The following PALS2 variants were observed in gnomAD, a reference collection of about 807,000 sequenced individuals.
The protein encoded by PALS2 is protein PALS2.
Under a neutral mutation model 61.6 loss-of-function variants are expected in PALS2, and 27 were observed. The observed-to-expected ratio is 0.44, with a 90% CI of 0.32 to 0.60. PALS2 has a LOEUF of 0.60. Among genes scored for constraint, PALS2 ranks in the 20% least tolerant of loss-of-function variants. The probability of loss-of-function intolerance (pLI) is 0.05; values close to 1 mark genes in which losing one functional copy is unlikely to be tolerated. For missense variants in PALS2, 554 were observed against 639.4 expected (o/e 0.87, Z 1.44); for synonymous variants, 236 against 218.6 (o/e 1.08, Z -0.70).
At chr7:24,608,546 A>G (rs1784006027) in intron 1 of PALS2, among the ~76,000 whole-genome samples, 1 of 152,002 alleles carries the variant, frequency 6.6e-6, no homozygotes, top group South Asian at 2.1e-4. Flanking sequence ...ACTTGACTTG[A>G]TTTTCTGGAT....
In PALS2 at chr7:24,693,908, C is replaced by T. The variant is rs938200042; in HGVS notation, c.*6294C>T. ...TTTTTTATTCTTCCTTTTCCCCCCA[C>T]GCCAGTTCGTTTTGGTAAGTCTTTT... On this transcript the variant is annotated 3_prime_UTR_variant, in exon 12 of 12. Transcript: ENST00000222644. 3 of 151,920 alleles carry T rather than the reference C, an allele frequency of 2.0e-5. No homozygotes were observed. The highest frequency in any genetic ancestry group is 2.9e-5 in the Non-Finnish European group (2 of 67,976). The allele number at this position is 151,920 out of a possible 1,614,324, so 9.4% of individuals were successfully genotyped here. A position where few individuals can be genotyped will look rare whatever the true frequency, so the allele number is the denominator to read the frequency against.
chr7:24,673,294 T>C (rs1030487798), intron 9 of PALS2, among the ~76,000 whole-genome samples: 6 of 152,196 alleles, frequency 3.9e-5, no homozygotes, highest in Non-Finnish European at 7.4e-5. Context: ...TACTTCTAGA[T>C]TCAGTTGCTT....
chr7:24,658,712 A>G (rs141238773), intron 5 of PALS2, among the ~76,000 whole-genome samples: 6,039 of 151,700 alleles, frequency 0.04, 162 homozygotes, highest in Non-Finnish European at 0.059. Flanking sequence ...ACGTGCCACC[A>G]GGCCAAGCTA....
At chr7:24,585,791 T>C (rs528703870) in intron 1 of PALS2, among the ~76,000 whole-genome samples, 1 of 152,278 alleles carries the variant, frequency 6.6e-6, no homozygotes, top group Non-Finnish European at 1.5e-5. Flanking sequence ...CTCCGCCTCC[T>C]GGGTTCATGC....
Position 24,650,725 on chromosome 7 carries a change from A to C in PALS2, c.651+13A>C, listed in dbSNP as rs368455521. 52 of 1,471,498 alleles carry C rather than the reference A, an allele frequency of 3.5e-5. No homozygotes were observed. The African/African-American group carries it at 6.7e-4, about 19-fold the overall frequency. The allele number at this position is 1,471,498 out of a possible 1,614,324, so 91.2% of individuals were successfully genotyped here. On this transcript the variant is annotated intron_variant, in intron 5 of 11. Transcript: ENST00000222644. The stretch of plus-strand genomic sequence containing the variant: ...TACTCCTCAACAGGTTAGTAATAAA[A>C]TTTTTGGTAGTATTAAAAATACTTT...
intron 1 of PALS2, among the ~76,000 whole-genome samples, chr7:24,605,502 G>A (rs568450511): frequency 2.0e-5 from 3 of 152,026 alleles, no homozygotes; most frequent in African/African-American, 7.2e-5. Flanking sequence ...AACACATTAT[G>A]TTTTAGATAT....
rs1788393576 is a variant in PALS2, at chr7:24,689,957, C to T, written c.*2343C>T. 6.6e-6 allele frequency: 1 copy of T among 152,152 alleles called. No individual in the cohort carries two copies. The highest frequency in any genetic ancestry group is 2.4e-5 in the African/African-American group (1 of 41,430). 9.4% of individuals were successfully genotyped at this position (152,152 alleles called of 1,614,324 possible). ...TTTATCTGCAAAATATTTCAATCAT[C>T]TTGGTACAATAGATGACTTTTACAT... is the stretch of plus-strand genomic sequence containing the variant. On this transcript the variant is annotated 3_prime_UTR_variant, in exon 12 of 12. Transcript: ENST00000222644.
At chr7:24,623,359 GTT>G (rs895787934) in intron 1 of PALS2, among the ~76,000 whole-genome samples, 1 of 151,762 alleles carries the variant, frequency 6.6e-6, no homozygotes, top group Non-Finnish European at 1.5e-5. Flanking sequence ...TGAATTTTCT[GTT>G]TTTTCTTGAG....
intron 5 of PALS2, among the ~76,000 whole-genome samples, chr7:24,663,162 G>A (rs117475822): frequency 0.015 from 2,292 of 152,146 alleles, 26 homozygotes; most frequent in Admixed American, 0.023. Context: ...TTTAATTTTG[G>A]TTTCAGGGCC....
chr7:24,592,153 T>C (rs980667505), intron 1 of PALS2, among the ~76,000 whole-genome samples: 5 of 152,176 alleles, frequency 3.3e-5, no homozygotes, highest in African/African-American at 4.8e-5. Flanking sequence ...ACAAAAGCTC[T>C]GTAAGTATCG....
At chr7:24,642,102 T>C (rs887497661) in intron 3 of PALS2, among the ~76,000 whole-genome samples, 2 of 152,172 alleles carry the variant, frequency 1.3e-5, no homozygotes, top group African/African-American at 4.8e-5. Context: ...TCACAATGGA[T>C]TTTTCTTTGT....
At chr7:24,607,618 T>C (rs540349229) in intron 1 of PALS2, among the ~76,000 whole-genome samples, 43 of 150,976 alleles carry the variant, frequency 2.8e-4, no homozygotes, top group Admixed American at 2.3e-3. Flanking sequence ...TACATATATA[T>C]GTGTGTATAT....
intron 2 of PALS2, among the ~76,000 whole-genome samples, chr7:24,635,840 G>A (rs536995211): frequency 1.3e-5 from 2 of 152,150 alleles, no homozygotes; most frequent in East Asian, 3.9e-4. Context: ...TTTCTTACAA[G>A]TTATGCTGTA....
intron 11 of PALS2, among the ~76,000 whole-genome samples, chr7:24,683,906 T>C (rs919260773): frequency 1.3e-5 from 2 of 152,246 alleles, no homozygotes; most frequent in Non-Finnish European, 2.9e-5. Context: ...TGAATATCCC[T>C]TCTCATAACA....
chr7:24,687,674 C>A lies in PALS2; in HGVS notation c.*60C>A, dbSNP rs915488711. 6.8e-7 allele frequency: 1 copy of A among 1,466,328 alleles called. No homozygotes were observed. Among genetic ancestry groups the A allele is most frequent in the Non-Finnish European group, 9.2e-7 (1 of 1,090,826 alleles). 90.8% of individuals were successfully genotyped at this position (1,466,328 alleles called of 1,614,324 possible). On this transcript the variant is annotated 3_prime_UTR_variant, in exon 12 of 12. Coordinates refer to ENST00000222644, the MANE Select transcript of PALS2 (RefSeq NM_001303037.2). The surrounding 1 kb of genome is among the most constrained non-coding windows in gnomAD (Gnocchi z 4.5). The stretch of plus-strand genomic sequence containing the variant: ...TTAAAAAGTGACTGCAACAAATAAA[C>A]CTTCTACTGAGAAAATACATCACAG...
At chr7:24,649,102 T>C (rs1786003317) in intron 3 of PALS2, among the ~76,000 whole-genome samples, 1 of 152,180 alleles carries the variant, frequency 6.6e-6, no homozygotes, top group South Asian at 2.1e-4. Context: ...GTCACTGATA[T>C]AAGATGCTAA....
chr7:24,573,666 T>G lies in PALS2; in HGVS notation c.-3+73T>G. 1 of 223,366 alleles carries G rather than the reference T, an allele frequency of 4.5e-6. No individual in the cohort carries two copies. Among genetic ancestry groups the G allele is most frequent in the Non-Finnish European group, 8.7e-6 (1 of 115,438 alleles). 13.8% of individuals were successfully genotyped at this position (223,366 alleles called of 1,614,324 possible). A position where few individuals can be genotyped will look rare whatever the true frequency, so the allele number is the denominator to read the frequency against. On this transcript the variant is annotated intron_variant, in intron 1 of 11. Transcript: ENST00000222644. The surrounding 1 kb of genome is among the most constrained non-coding windows in gnomAD (Gnocchi z 5.3). The stretch of plus-strand genomic sequence containing the variant: ...CGCCGGGCCGGCCGGGGGCGCCCTG[T>G]TGCTCGGCGCGGCGCGCCACGCGGG...
chr7:24,618,778 C>A lies in PALS2; in HGVS notation c.-2-4888C>A, dbSNP rs548349629. On this transcript the variant is annotated intron_variant, in intron 1 of 11. Transcript: ENST00000222644. This position sits in a 1 kb window ranked among gnomAD's most constrained non-coding sequence, Gnocchi z 5.1. ...CAGAGGCAGGATGCCTCCACGCTGGCCTTGTGGGCTCCCAGTCATCACAGG... is the reference window on the plus strand; with the variant it reads ...CAGAGGCAGGATGCCTCCACGCTGGACTTGTGGGCTCCCAGTCATCACAGG... 1.3e-5 allele frequency among the ~76,000 whole-genome samples: 2 copies of A among 152,220 alleles called. No individual in the cohort carries two copies. The highest frequency in any genetic ancestry group is 2.9e-5 in the Non-Finnish European group (2 of 68,028).
intron 3 of PALS2, among the ~76,000 whole-genome samples, chr7:24,642,142 G>A (rs1266207403): frequency 9.2e-5 from 14 of 152,064 alleles, no homozygotes; most frequent in Admixed American, 2.6e-4. Context: ...TTAATTCACC[G>A]TCAGACCACA....
Sources: gnomAD v4.1 joint callset for allele counts (sites outside exome capture counted in the v4.1 genomes callset) on GRCh38, gnomAD v4.1.1 for gene constraint, Gnocchi (gnomAD v3.1) non-coding constraint, MANE v1.5 for transcripts, NCBI Gene and HGNC (gene_info 2026-07-23, HGNC 2026-07-21) for gene names.